UNC13C: variants seen among roughly 807,000 people sequenced by gnomAD.
The protein encoded by UNC13C is protein unc-13 homolog C.
A neutral mutation model predicts 245.4 loss-of-function variants in UNC13C; 174 were observed. That is an observed-to-expected ratio of 0.71 (90% confidence interval 0.63 to 0.80). The LOEUF (loss-of-function observed/expected upper bound fraction) is 0.80. UNC13C is among the 30% of genes least tolerant of loss of function. The pLI, the probability that UNC13C is intolerant of heterozygous loss-of-function variation, is 0.00. For missense variants in UNC13C, 2,829 were observed against 2,602.9 expected, an observed-to-expected ratio of 1.09 and a Z score of -1.89; for synonymous variants, 992 against 895.1, an observed-to-expected ratio of 1.11 and a Z score of -1.93.
At chr15:54,477,686 T>G (rs1451701044) in intron 19 of UNC13C, among the ~76,000 whole-genome samples, 1 of 139,728 alleles carries the variant, frequency 7.2e-6, no homozygotes, top group Non-Finnish European at 1.5e-5. Flanking sequence ...ATAAGCTTTT[T>G]GATGTGCTAC....
At chr15:54,369,950 C>T (rs899493581) in intron 17 of UNC13C, among the ~76,000 whole-genome samples, 3 of 152,002 alleles carry the variant, frequency 2.0e-5, no homozygotes, top group Non-Finnish European at 4.4e-5. Flanking sequence ...TGACTACATA[C>T]TCTCCTTGTG....
intron 18 of UNC13C, among the ~76,000 whole-genome samples, chr15:54,408,045 C>CA (rs1292104213): frequency 4.6e-5 from 7 of 151,082 alleles, no homozygotes; most frequent in East Asian, 2.0e-4. Flanking sequence ...ACTAAAAATA[C>CA]AAAAAATTAG....
At chr15:54,157,885 C>G (rs2032817487) in intron 4 of UNC13C, among the ~76,000 whole-genome samples, 1 of 152,166 alleles carries the variant, frequency 6.6e-6, no homozygotes. Context: ...GCTGGGAAAA[C>G]TGGCTAGCCA....
In UNC13C at chr15:54,548,258, T is replaced by G. The variant is rs1212327281; in HGVS notation, c.5821-1377T>G. Among the ~76,000 whole-genome samples, 4 of 141,632 alleles carry G rather than the reference T, an allele frequency of 2.8e-5. No individual in the cohort carries two copies. The Admixed American group carries it at 2.8e-4, about 10-fold the overall frequency. 92.9% of individuals were successfully genotyped at this position (141,632 alleles called of 152,430 possible). A position where few individuals can be genotyped will look rare whatever the true frequency, so the allele number is the denominator to read the frequency against. ...TTTTTTGGAGACAGAATCTCGCTCTTTCGCCCAGGCTGGAGTGCAGTGGCG... is the reference window on the plus strand; with the variant it reads ...TTTTTTGGAGACAGAATCTCGCTCTGTCGCCCAGGCTGGAGTGCAGTGGCG... On this transcript the variant is annotated intron_variant, in intron 27 of 32. Transcript: ENST00000260323.
chr15:53,958,236 G>A, the UNC13C span, among the ~76,000 whole-genome samples: 12 of 152,226 alleles, frequency 7.9e-5, no homozygotes, highest in South Asian at 2.1e-4. Context: ...AGAACAAACC[G>A]AAATTTGGAC....
At chr15:53,890,362 C>G in the UNC13C span, among the ~76,000 whole-genome samples, 13 of 152,214 alleles carry the variant, frequency 8.5e-5, no homozygotes, top group Non-Finnish European at 8.8e-5. Flanking sequence ...AGGATGGTCT[C>G]AATCTCCTGA....
chr15:54,584,738 C>T (rs553750577), intron 30 of UNC13C, among the ~76,000 whole-genome samples: 3 of 152,344 alleles, frequency 2.0e-5, no homozygotes, highest in Non-Finnish European at 4.4e-5. Flanking sequence ...GTGCAGAGCA[C>T]ACCTGTAATA....
At chr15:54,540,175 C>A (rs1242584568) in intron 26 of UNC13C, among the ~76,000 whole-genome samples, 3 of 151,758 alleles carry the variant, frequency 2.0e-5, no homozygotes, top group Non-Finnish European at 2.9e-5. Context: ...TACAAATAAA[C>A]GTAAGATGTA....
the UNC13C span, among the ~76,000 whole-genome samples, chr15:53,856,904 TG>T: frequency 2.0e-5 from 3 of 152,158 alleles, no homozygotes; most frequent in Non-Finnish European, 4.4e-5. Context: ...TATTTTTGTA[TG>T]GTAGTCTAAA....
At chr15:53,880,011 G>A in the UNC13C span, among the ~76,000 whole-genome samples, 4 of 151,480 alleles carry the variant, frequency 2.6e-5, no homozygotes, top group African/African-American at 7.3e-5. Context: ...TTGTTTTTAG[G>A]GAACACTATT....
chr15:54,001,331 G>A, intron 1 of UNC13C, among the ~76,000 whole-genome samples: 1 of 152,172 alleles, frequency 6.6e-6, no homozygotes, highest in East Asian at 1.9e-4. Flanking sequence ...ATGATCAAAT[G>A]AGCCTGTGAC....
chr15:54,033,004 G>A (rs1896425073), intron 2 of UNC13C, among the ~76,000 whole-genome samples: 1 of 152,110 alleles, frequency 6.6e-6, no homozygotes, highest in South Asian at 2.1e-4. Context: ...GGAAGGTGGT[G>A]AGAGATAAAA....
chr15:54,265,614 A>G (rs2036533304), intron 10 of UNC13C, 118 bp downstream of exon 10: 1 of 747,324 alleles, frequency 1.3e-6, no homozygotes, highest in East Asian at 3.0e-5. Context: ...CCCAAAAGTA[A>G]TAAAAAAGTA....
the UNC13C span, among the ~76,000 whole-genome samples, chr15:53,838,619 A>C: frequency 6.6e-6 from 1 of 152,042 alleles, no homozygotes; most frequent in African/African-American, 2.4e-5. Context: ...ACTTGATTAT[A>C]ATGAACTATA....
chr15:54,329,295 C>A (rs1010788909), intron 14 of UNC13C, among the ~76,000 whole-genome samples: 1 of 151,812 alleles, frequency 6.6e-6, no homozygotes, highest in African/African-American at 2.4e-5. Context: ...CATTCCAATT[C>A]CACTCTTTTA....
At chr15:53,980,441 T>A (rs976098959) in intron 1 of UNC13C, among the ~76,000 whole-genome samples, 1 of 152,222 alleles carries the variant, frequency 6.6e-6, no homozygotes, top group Non-Finnish European at 1.5e-5. Flanking sequence ...GCTTATGATG[T>A]CTGTAGGTGA....
chr15:54,404,393 G>C (rs543649958), intron 18 of UNC13C, among the ~76,000 whole-genome samples: 3 of 151,600 alleles, frequency 2.0e-5, no homozygotes, highest in Admixed American at 1.3e-4. Flanking sequence ...TTATTAAATT[G>C]TTGTGTCTCA....
chr15:53,913,271 T>C, the UNC13C span: 95 of 152,258 alleles, frequency 6.2e-4, no homozygotes, highest in African/African-American at 2.2e-3. Context: ...GCCCTATGGG[T>C]AGTTGACCAG....
chr15:53,972,262 C>T, the UNC13C span, among the ~76,000 whole-genome samples: 2 of 152,134 alleles, frequency 1.3e-5, no homozygotes, highest in African/African-American at 2.4e-5. Context: ...TTTCCCTGGC[C>T]CTAAACCAGA....
Sources: gnomAD v4.1 joint callset for allele counts (sites outside exome capture counted in the v4.1 genomes callset) on GRCh38, gnomAD v4.1.1 for gene constraint, MANE v1.5 for transcripts, NCBI Gene and HGNC (gene_info 2026-07-23, HGNC 2026-07-21) for gene names.